Variants in WBP2NL observed in about 807,000 individuals in gnomAD.
WBP2NL encodes postacrosomal sheath WW domain-binding protein.
In WBP2NL, 27 loss-of-function variants were observed where a neutral mutation model predicts 23.3. That is an observed-to-expected ratio of 1.16 (90% CI 0.85 to 1.60). The LOEUF (loss-of-function observed/expected upper bound fraction) is 1.60. Ranked by LOEUF, WBP2NL falls within the 40% of genes most tolerant of loss-of-function variation. The probability of loss-of-function intolerance (pLI) is 0.00; values close to 1 mark genes in which losing one functional copy is unlikely to be tolerated. For synonymous variants in WBP2NL, 151 were observed against 145.9 expected (o/e 1.03, Z -0.25); for missense variants, 370 against 389.5 (o/e 0.95, Z 0.42).
intron 8 of WBP2NL, among the ~76,000 whole-genome samples, chr22:42,048,052 C>A (rs1925667900): frequency 6.6e-6 from 1 of 152,048 alleles, no homozygotes; most frequent in African/African-American, 2.4e-5. Flanking sequence ...ACACCATGAC[C>A]AAGTAGAATT....
intron 8 of WBP2NL, among the ~76,000 whole-genome samples, chr22:42,042,355 CT>C (rs1282741561): frequency 6.6e-6 from 1 of 152,030 alleles, no homozygotes; most frequent in African/African-American, 2.4e-5. Flanking sequence ...CATTTTAGTT[CT>C]TTTTTCTCTT....
downstream of WBP2NL, among the ~76,000 whole-genome samples, chr22:42,037,797 C>T (rs5751204): frequency 0.7 from 106,350 of 151,234 alleles, 37,569 homozygotes; most frequent in East Asian, 0.85. Flanking sequence ...GGAATTCATT[C>T]ATTAGTTCTA....
At chr22:42,050,812 A>G (rs1315205637) in intron 8 of WBP2NL, among the ~76,000 whole-genome samples, 4 of 152,234 alleles carry the variant, frequency 2.6e-5, no homozygotes, top group African/African-American at 9.6e-5. Context: ...TTATACACCT[A>G]TTACAATGGC....
chr22:42,019,267 C>A, intron 1 of WBP2NL, 44 bp from the exon 2 acceptor site: 1 of 1,522,930 alleles, frequency 6.6e-7, no homozygotes, highest in Non-Finnish European at 9.0e-7. Flanking sequence ...TGTCATTTTA[C>A]ATACATTCTT....
downstream of WBP2NL, among the ~76,000 whole-genome samples, chr22:42,030,373 G>C (rs1200358026): frequency 6.6e-6 from 1 of 152,164 alleles, no homozygotes; most frequent in African/African-American, 2.4e-5. Flanking sequence ...CCAAATAAAA[G>C]AGCTTTATAT....
chr22:42,007,632 T>G (rs1299785600), intron 1 of WBP2NL, among the ~76,000 whole-genome samples: 1 of 152,208 alleles, frequency 6.6e-6, no homozygotes, highest in Non-Finnish European at 1.5e-5. Context: ...TTCAGATACC[T>G]CATGTAAGTG....
chr22:42,000,074 C>T (rs1921465968), intron 1 of WBP2NL, among the ~76,000 whole-genome samples: 1 of 152,218 alleles, frequency 6.6e-6, no homozygotes, highest in Admixed American at 6.5e-5. Context: ...CTCTGACTTG[C>T]CCTCAATTTC....
intron 8 of WBP2NL, among the ~76,000 whole-genome samples, chr22:42,050,317 C>G (rs771143089): frequency 2.8e-4 from 43 of 151,624 alleles, no homozygotes; most frequent in Non-Finnish European, 5.9e-4. Context: ...AAATCCAACT[C>G]TTACAACTCA....
At chr22:42,036,557 C>G (rs1234445477), downstream of WBP2NL, among the ~76,000 whole-genome samples, 1 of 152,188 alleles carries the variant, frequency 6.6e-6, no homozygotes, top group Non-Finnish European at 1.5e-5. Flanking sequence ...CAGCAGTGTA[C>G]AAGGGTTCTC....
At position 42,050,625 on chromosome 22, in the gene WBP2NL, G is replaced by A. The variant is rs140449966; in HGVS notation, c.*274-7665G>A. On this transcript the variant is annotated intron_variant and NMD_transcript_variant, in intron 8 of 8. Coordinates refer to the WBP2NL transcript ENST00000436265. ...ATCATGCCACTGCACTCCAGTCTGG[G>A]CAACAGAGTGAGACTCCATTCCCCC... Among the ~76,000 whole-genome samples the A allele has an allele frequency of 4.1e-3, 617 of 151,372 alleles. 2 individuals carry two copies. The highest frequency in any genetic ancestry group is 0.014 in the African/African-American group (588 of 41,338).
At chr22:42,026,264 C>G (rs569539810) in intron 5 of WBP2NL, among the ~76,000 whole-genome samples, 197 of 139,954 alleles carry the variant, frequency 1.4e-3, no homozygotes, top group African/African-American at 4.8e-3. Flanking sequence ...AGAGCGAGAC[C>G]CCCTCTCAAA....
At position 42,027,501 on chromosome 22, in the gene WBP2NL, C is replaced by G. The variant is rs940616125; in HGVS notation, c.*320C>G. 1 of 328,742 alleles carries G rather than the reference C, an allele frequency of 3.0e-6. No individual in the cohort carries two copies. The highest frequency in any genetic ancestry group is 2.1e-5 in the African/African-American group (1 of 47,642). The allele number at this position is 328,742 out of a possible 1,614,324, so 20.4% of individuals were successfully genotyped here. A position where few individuals can be genotyped will look rare whatever the true frequency, so the allele number is the denominator to read the frequency against. On this transcript the variant is annotated 3_prime_UTR_variant, in exon 6 of 6. Coordinates refer to ENST00000328823, the MANE Select transcript of WBP2NL (RefSeq NM_152613.3). ...GCATTCAAGGTTCCTGTCTTCCCATCCTCATTCAAGAAACATTTATTATGC... is the reference window on the plus strand; with the variant it reads ...GCATTCAAGGTTCCTGTCTTCCCATGCTCATTCAAGAAACATTTATTATGC...
chr22:42,022,262 TC>T lies in WBP2NL; in HGVS notation c.422del (p.Pro141HisfsTer5). Reference protein sequence around the residue: ...KAASAAARGFPLRTLNDWFSS... With the variant: ...KAASAAARGFXLRTLNDWFSS... ...TTGTCTTTCCAGCTGCCCGAGGATTTCCACTTAGAACCTTAAATGACTGGTT... is the reference window on the plus strand; with the variant it reads ...TTGTCTTTCCAGCTGCCCGAGGATTTCACTTAGAACCTTAAATGACTGGTT... On this transcript the variant is annotated frameshift_variant, in exon 5 of 6. Coordinates refer to ENST00000328823, the MANE Select transcript of WBP2NL (RefSeq NM_152613.3). LOFTEE classifies it high-confidence loss of function. The T allele has an allele frequency of 6.2e-7, 1 of 1,614,244 alleles. No individual in the cohort carries two copies.
intron 5 of WBP2NL, among the ~76,000 whole-genome samples, chr22:42,023,215 C>T (rs1385448568): frequency 6.6e-6 from 1 of 150,632 alleles, no homozygotes; most frequent in Non-Finnish European, 1.5e-5. Flanking sequence ...GACAGAGTCT[C>T]ACTTTGTCAC....
intron 8 of WBP2NL, among the ~76,000 whole-genome samples, chr22:42,053,168 T>G (rs1925897568): frequency 6.6e-6 from 1 of 152,238 alleles, no homozygotes; most frequent in Non-Finnish European, 1.5e-5. Context: ...TGTGTCACTA[T>G]GGATATACTG....
At chr22:42,046,947 C>G (rs1355094947) in intron 8 of WBP2NL, among the ~76,000 whole-genome samples, 1 of 152,174 alleles carries the variant, frequency 6.6e-6, no homozygotes, top group East Asian at 1.9e-4. Context: ...TGTGTTTAGA[C>G]TTTTCAGGTA....
At chr22:42,048,386 CAAA>C (rs112746719) in intron 8 of WBP2NL, among the ~76,000 whole-genome samples, 1 of 133,316 alleles carries the variant, frequency 7.5e-6, no homozygotes, top group South Asian at 2.4e-4. Flanking sequence ...GACTCCATCT[CAAA>C]AAAAAAAAAG....
At chr22:42,021,064 T>C (rs1237548529) in intron 4 of WBP2NL, among the ~76,000 whole-genome samples, 1 of 150,358 alleles carries the variant, frequency 6.7e-6, no homozygotes, top group Non-Finnish European at 1.5e-5. Context: ...GGATTACAAG[T>C]GTCCACCACC....
intron 8 of WBP2NL, among the ~76,000 whole-genome samples, chr22:42,057,729 T>C (rs191191069): frequency 8.0e-5 from 12 of 150,434 alleles, no homozygotes; most frequent in African/African-American, 2.9e-4. Flanking sequence ...AGACAAACTA[T>C]AGAGATTTTT....
Sources: gnomAD v4.1 joint callset for allele counts (sites outside exome capture counted in the v4.1 genomes callset) on GRCh38, gnomAD v4.1.1 for gene constraint, MANE v1.5 for transcripts, NCBI Gene and HGNC (gene_info 2026-07-23, HGNC 2026-07-21) for gene names.